The following COL21A1 variants were observed in gnomAD, a reference collection of about 807,000 sequenced individuals.
COL21A1 encodes the protein collagen type XXI alpha 1 chain.
COL21A1 carries 149 observed loss-of-function variants against 137.9 expected under a neutral mutation model. The ratio of observed to expected loss-of-function variants is 1.08; its 90% CI spans 0.95 to 1.24. The LOEUF is 1.24. Ranked by LOEUF, COL21A1 falls within the 50% of genes most tolerant of loss-of-function variation. COL21A1 has a pLI of 0.00. For missense variants in COL21A1, 1,167 were observed against 1,158.4 expected (o/e 1.01, Z -0.11); for synonymous variants, 456 against 391.5 (o/e 1.16, Z -1.95).
At position 56,148,759 on chromosome 6, in the gene COL21A1, C is replaced by T. The variant is rs940004152; in HGVS notation, c.1435-6776G>A. ...AAGCCTAAGGGCTGCTTGTCCACCC[C>T]GTCCTCTTATACTCTATCACCATTC... On this transcript the variant is annotated intron_variant, in intron 10 of 29. Transcript: ENST00000244728. Among the ~76,000 whole-genome samples, 61 of 152,088 alleles carry T rather than the reference C, an allele frequency of 4.0e-4. 1 individual carries two copies. The highest frequency in any genetic ancestry group is 3.9e-4 in the Admixed American group (6 of 15,264).
At chr6:56,075,450 G>A (rs576520024) in intron 19 of COL21A1, 29 bp downstream of exon 19, 1 of 1,523,770 alleles carries the variant, frequency 6.6e-7, no homozygotes, top group Non-Finnish European at 8.8e-7. Flanking sequence ...CAAACACTTT[G>A]ATGTATGATG....
At chr6:56,273,437 A>C (rs1468414441) in intron 1 of COL21A1, among the ~76,000 whole-genome samples, 1 of 152,232 alleles carries the variant, frequency 6.6e-6, no homozygotes, top group African/African-American at 2.4e-5. Flanking sequence ...TGAAACCAAA[A>C]GTTAGTACTT....
intron 9 of COL21A1, among the ~76,000 whole-genome samples, chr6:56,162,758 G>C (rs1160584349): frequency 6.6e-6 from 1 of 152,158 alleles, no homozygotes; most frequent in African/African-American, 2.4e-5. Flanking sequence ...TAAATTATAT[G>C]AACATATATA....
At chr6:56,241,951 A>G (rs1782353072) in intron 1 of COL21A1, among the ~76,000 whole-genome samples, 1 of 152,194 alleles carries the variant, frequency 6.6e-6, no homozygotes, top group African/African-American at 2.4e-5. Flanking sequence ...GACTCTCTGA[A>G]ACAGACTTTA....
intron 12 of COL21A1, among the ~76,000 whole-genome samples, chr6:56,128,879 T>A (rs1407372879): frequency 6.6e-6 from 1 of 152,242 alleles, no homozygotes; most frequent in East Asian, 1.9e-4. Flanking sequence ...GGTCTCAAAC[T>A]CCTGACCTCA....
Position 56,059,245 on chromosome 6 carries a change from G to A in COL21A1, c.2609-3C>T, listed in dbSNP as rs1273793999. 1.3e-6 allele frequency: 2 copies of A among 1,592,708 alleles called. No individual in the cohort carries two copies. The highest frequency in any genetic ancestry group is 1.7e-6 in the Non-Finnish European group (2 of 1,172,604). On this transcript the variant is annotated splice_polypyrimidine_tract_variant and splice_region_variant and intron_variant, in intron 28 of 29. Coordinates refer to ENST00000244728, the MANE Select transcript of COL21A1 (RefSeq NM_030820.4). ...TTCCCCATTTCTTCCTGGTAGGCCT[G>A]CAGGGTGTCAAACATCTGAGTAAGT...
chr6:56,182,308 G>A (rs947764720), intron 2 of COL21A1, among the ~76,000 whole-genome samples: 2 of 152,160 alleles, frequency 1.3e-5, no homozygotes, highest in African/African-American at 4.8e-5. Flanking sequence ...AAAGCTTGAT[G>A]TGTTAATTGA....
chr6:56,086,834 G>A (rs1004119397), intron 17 of COL21A1, among the ~76,000 whole-genome samples: 6 of 152,114 alleles, frequency 3.9e-5, no homozygotes, highest in African/African-American at 1.4e-4. Flanking sequence ...TGTCCATGCC[G>A]TAAAAGAAGT....
intron 18 of COL21A1, among the ~76,000 whole-genome samples, chr6:56,077,177 A>G (rs1296380054): frequency 6.6e-6 from 1 of 151,386 alleles, no homozygotes; most frequent in African/African-American, 2.4e-5. Context: ...GTAATTAAAT[A>G]AAAACTGAAA....
chr6:56,250,734 G>C (rs534055804), upstream of COL21A1, among the ~76,000 whole-genome samples: 5 of 152,204 alleles, frequency 3.3e-5, no homozygotes, highest in East Asian at 9.7e-4. Context: ...GTGGTAATTT[G>C]TCATGCAACA....
chr6:56,306,785 G>A (rs1016225114), intron 1 of COL21A1, among the ~76,000 whole-genome samples: 1 of 125,798 alleles, frequency 7.9e-6, no homozygotes, highest in African/African-American at 2.7e-5. Flanking sequence ...TTCCTTTAGA[G>A]GAGGAGAGGT....
chr6:56,093,131 CA>C (rs1436797914), intron 17 of COL21A1, among the ~76,000 whole-genome samples: 1 of 151,982 alleles, frequency 6.6e-6, no homozygotes, highest in Non-Finnish European at 1.5e-5. Context: ...TTCATATCTA[CA>C]AAAGACCTTT....
chr6:56,151,248 A>G (rs920620769), intron 10 of COL21A1, among the ~76,000 whole-genome samples: 1 of 151,864 alleles, frequency 6.6e-6, no homozygotes, highest in African/African-American at 2.4e-5. Context: ...ACAAACAAAC[A>G]AAAAAAGAGT....
At chr6:56,131,102 A>G (rs1159079733) in intron 12 of COL21A1, among the ~76,000 whole-genome samples, 3 of 151,304 alleles carry the variant, frequency 2.0e-5, no homozygotes, top group African/African-American at 7.4e-5. Context: ...CAATATTAAA[A>G]TGTATATATG....
intron 1 of COL21A1, among the ~76,000 whole-genome samples, chr6:56,347,122 G>A (rs1029084350): frequency 2.0e-5 from 3 of 152,104 alleles, no homozygotes; most frequent in African/African-American, 7.2e-5. Context: ...GCGCTCTGTC[G>A]GGCTGCCTTC....
intron 1 of COL21A1, among the ~76,000 whole-genome samples, chr6:56,193,927 G>A (rs1243098797): frequency 6.6e-6 from 1 of 151,878 alleles, no homozygotes; most frequent in East Asian, 1.9e-4. Context: ...GTTAACTTTT[G>A]TATTTTTAGT....
intron 1 of COL21A1, among the ~76,000 whole-genome samples, chr6:56,212,124 C>A (rs951291398): frequency 1.5e-4 from 23 of 151,982 alleles, no homozygotes; most frequent in Non-Finnish European, 3.1e-4. Context: ...ATTAACATTT[C>A]TTATATTCAA....
At chr6:56,169,760 C>T (rs1461078461) in intron 5 of COL21A1, among the ~76,000 whole-genome samples, 1 of 152,014 alleles carries the variant, frequency 6.6e-6, no homozygotes, top group Non-Finnish European at 1.5e-5. Flanking sequence ...CCCATCCACA[C>T]TCCACTAACA....
intron 1 of COL21A1, among the ~76,000 whole-genome samples, chr6:56,228,379 CTGTT>C (rs994428296): frequency 2.6e-5 from 4 of 151,708 alleles, no homozygotes; most frequent in African/African-American, 9.7e-5. Flanking sequence ...GGTCCTATGA[CTGTT>C]TGATTGCAGT....
Sources: gnomAD v4.1 joint callset for allele counts (sites outside exome capture counted in the v4.1 genomes callset) on GRCh38, gnomAD v4.1.1 for gene constraint, MANE v1.5 for transcripts, NCBI Gene and HGNC (gene_info 2026-07-23, HGNC 2026-07-21) for gene names.